Variants in HMGXB4 observed in about 807,000 individuals in gnomAD.
The protein encoded by HMGXB4 is HMG domain-containing protein 4.
In HMGXB4, 27 loss-of-function variants were observed where a neutral mutation model predicts 63.9. The observed-to-expected ratio is 0.42, with a 90% CI of 0.31 to 0.58. The LOEUF is 0.58. Among genes scored for constraint, HMGXB4 ranks in the 20% least tolerant of loss-of-function variants. The pLI is 0.13. For synonymous variants in HMGXB4, 264 were observed against 265.3 expected, an observed-to-expected ratio of 0.99 and a Z score of 0.05; for missense variants, 624 against 700.7, an observed-to-expected ratio of 0.89 and a Z score of 1.24.
intron 9 of HMGXB4, among the ~76,000 whole-genome samples, 159 bp downstream of exon 9, chr22:35,288,566 TAAC>T (rs1183782825): frequency 1.3e-5 from 2 of 152,242 alleles, no homozygotes; most frequent in Non-Finnish European, 2.9e-5. Flanking sequence ...ATAATGATAA[TAAC>T]AGAAATATCT....
At chr22:35,259,320 G>A (rs1302465785) in intron 1 of HMGXB4, among the ~76,000 whole-genome samples, 1 of 152,192 alleles carries the variant, frequency 6.6e-6, no homozygotes, top group Admixed American at 6.5e-5. Flanking sequence ...GCCTCTTGGA[G>A]TTGACAACAT....
the HMGXB4 span, among the ~76,000 whole-genome samples, chr22:35,247,408 T>C: frequency 6.6e-6 from 1 of 152,236 alleles, no homozygotes; most frequent in Non-Finnish European, 1.5e-5. Context: ...TTCTCCAGCA[T>C]TGGGTGCTGT....
At chr22:35,284,101 C>T (rs973046173) in intron 6 of HMGXB4, 58 bp downstream of exon 6, 5 of 1,172,870 alleles carry the variant, frequency 4.3e-6, no homozygotes, top group East Asian at 2.4e-5. Context: ...TGAAGCAGTG[C>T]GATTAATTTC....
the HMGXB4 span, among the ~76,000 whole-genome samples, chr22:35,247,645 G>A: frequency 6.6e-6 from 1 of 152,012 alleles, no homozygotes; most frequent in Non-Finnish European, 1.5e-5. Context: ...ATTAAGCCAA[G>A]GCAGCCATAG....
At chr22:35,253,144 A>AAAAAAAAAAAAAAGAAAAAAG (rs11282400), upstream of HMGXB4, among the ~76,000 whole-genome samples, 2 of 125,316 alleles carry the variant, frequency 1.6e-5, no homozygotes, top group African/African-American at 5.7e-5. Context: ...AAAAAAAAAA[A>AAAAAAAAAAAAAAGAAAAAAG]AAAAAAGAAA....
chr22:35,276,380 T>G (rs908279978), intron 5 of HMGXB4, among the ~76,000 whole-genome samples: 3 of 152,200 alleles, frequency 2.0e-5, no homozygotes, highest in Non-Finnish European at 4.4e-5. Flanking sequence ...TTACCTTAGC[T>G]ACAAACGTCA....
upstream of HMGXB4, among the ~76,000 whole-genome samples, chr22:35,253,144 A>AAAAAAAAAAAAAAAAGAAAAAAAG (rs11282400): frequency 1.1e-4 from 14 of 125,368 alleles, no homozygotes; most frequent in African/African-American, 4.0e-4. Flanking sequence ...AAAAAAAAAA[A>AAAAAAAAAAAAAAAAGAAAAAAAG]AAAAAAGAAA....
chr22:35,292,605 G>C (rs1924996739), intron 9 of HMGXB4, among the ~76,000 whole-genome samples: 1 of 152,326 alleles, frequency 6.6e-6, no homozygotes, highest in South Asian at 2.1e-4. Context: ...GATTCTCATA[G>C]TAATCACATC....
chr22:35,282,177 A>G (rs1197772764), intron 5 of HMGXB4, among the ~76,000 whole-genome samples: 1 of 152,162 alleles, frequency 6.6e-6, no homozygotes, highest in Non-Finnish European at 1.5e-5. Context: ...CATTCATGTC[A>G]TATTTTTTGT....
Position 35,293,590 on chromosome 22 carries a change from T to A in HMGXB4, c.1762-17T>A, listed in dbSNP as rs1288377961. The A allele has an allele frequency of 1.9e-6, 3 of 1,593,334 alleles. No homozygotes were observed. Among genetic ancestry groups the A allele is most frequent in the Non-Finnish European group, 2.6e-6 (3 of 1,161,300 alleles). ...GGTACAGTACTCTTCAGTTGAACAT[T>A]TTTCTTTGTTTTGCAGTCAAACACA... On this transcript the variant is annotated splice_polypyrimidine_tract_variant and intron_variant, in intron 10 of 10. Transcript: ENST00000216106.
chr22:35,283,154 A>G (rs890953888), intron 5 of HMGXB4, among the ~76,000 whole-genome samples: 4 of 152,258 alleles, frequency 2.6e-5, no homozygotes, highest in Non-Finnish European at 5.9e-5. Flanking sequence ...AATGTGAACA[A>G]TCAAATAATG....
Position 35,262,556 on chromosome 22 carries a change from T to A in HMGXB4, c.31+135T>A. ...ATGGTCCAGAGCACTGTTATGACACTCAGCCTCCACGCCATCCCCAGACTG... is the reference window on the plus strand; with the variant it reads ...ATGGTCCAGAGCACTGTTATGACACACAGCCTCCACGCCATCCCCAGACTG... On this transcript the variant is annotated intron_variant, in intron 2 of 10. Transcript: ENST00000216106. The A allele has an allele frequency of 7.7e-6, 7 of 913,406 alleles. No individual in the cohort carries two copies. In the South Asian group the frequency reaches 1.0e-4, roughly 13 times the overall value. 56.6% of individuals were successfully genotyped at this position (913,406 alleles called of 1,614,324 possible). A position where few individuals can be genotyped will look rare whatever the true frequency, so the allele number is the denominator to read the frequency against.
chr22:35,242,577 G>T, the HMGXB4 span, among the ~76,000 whole-genome samples: 1 of 150,584 alleles, frequency 6.6e-6, no homozygotes, highest in Non-Finnish European at 1.5e-5. Flanking sequence ...CAAGGAACTA[G>T]CCCTTTGCTT....
At chr22:35,286,144 G>A (rs1924564369) in intron 7 of HMGXB4, 83 bp downstream of exon 7, 3 of 956,208 alleles carry the variant, frequency 3.1e-6, no homozygotes, top group Non-Finnish European at 3.2e-6. Flanking sequence ...TAGCCAGCCA[G>A]ACAGCACTGA....
At chr22:35,263,758 C>T (rs769764324) in intron 3 of HMGXB4, 38 bp from the exon 4 acceptor site, 13 of 1,432,298 alleles carry the variant, frequency 9.1e-6, no homozygotes, top group Non-Finnish European at 1.3e-5. Flanking sequence ...GCATTTGCCT[C>T]ATCATCTTAT....
At chr22:35,253,696 C>G (rs890161758), upstream of HMGXB4, among the ~76,000 whole-genome samples, 1 of 152,160 alleles carries the variant, frequency 6.6e-6, no homozygotes, top group Admixed American at 6.5e-5. Flanking sequence ...AGATGTAAGC[C>G]TGGGCTACCT....
Position 35,261,175 on chromosome 22 carries a change from C to G in HMGXB4, c.-68-1148C>G, listed in dbSNP as rs185993025. Among the ~76,000 whole-genome samples the G allele has an allele frequency of 2.6e-5, 4 of 152,158 alleles. No individual in the cohort carries two copies. In the South Asian group the frequency reaches 6.2e-4, roughly 24 times the overall value. ...TACCTTGGCTGGGCGCGGTGGCTCA[C>G]GCCTGTAATCCCAGCACTTTGGGAG... On this transcript the variant is annotated intron_variant, in intron 1 of 10. Transcript: ENST00000216106.
intron 5 of HMGXB4, among the ~76,000 whole-genome samples, chr22:35,274,558 G>A (rs1923795726): frequency 6.6e-6 from 1 of 152,208 alleles, no homozygotes; most frequent in South Asian, 2.1e-4. Context: ...CCAATGAGGT[G>A]TAGGTGTTGT....
At chr22:35,244,779 ACAG>A in the HMGXB4 span, among the ~76,000 whole-genome samples, 1 of 152,248 alleles carries the variant, frequency 6.6e-6, no homozygotes, top group Non-Finnish European at 1.5e-5. Context: ...GAAACTGAAC[ACAG>A]CAGCAGGGTA....
Sources: gnomAD v4.1 joint callset for allele counts (sites outside exome capture counted in the v4.1 genomes callset) on GRCh38, gnomAD v4.1.1 for gene constraint, MANE v1.5 for transcripts, NCBI Gene and HGNC (gene_info 2026-07-23, HGNC 2026-07-21) for gene names.